ANKS1B: variants seen among roughly 807,000 people sequenced by gnomAD.
ANKS1B encodes ankyrin repeat and sterile alpha motif domain containing 1B.
A neutral mutation model predicts 148.3 loss-of-function variants in ANKS1B; 36 were observed. The observed-to-expected ratio is 0.24, with a 90% confidence interval of 0.19 to 0.32. ANKS1B has a LOEUF of 0.32. ANKS1B is among the 10% of genes least tolerant of loss of function. The probability of loss-of-function intolerance (pLI) is 1.00; values close to 1 mark genes in which losing one functional copy is unlikely to be tolerated. For missense variants in ANKS1B, 1,157 were observed against 1,542.6 expected (o/e 0.75, Z 4.19); for synonymous variants, 542 against 560.8 (o/e 0.97, Z 0.47).
intron 8 of ANKS1B, among the ~76,000 whole-genome samples, chr12:99,681,220 A>G (rs1167377806): frequency 6.6e-6 from 1 of 152,154 alleles, no homozygotes; most frequent in Non-Finnish European, 1.5e-5. Context: ...CCTCCTGGCT[A>G]GAGGCCAACC....
intron 12 of ANKS1B, among the ~76,000 whole-genome samples, chr12:99,373,323 T>G (rs963125172): frequency 6.6e-6 from 1 of 152,154 alleles, no homozygotes; most frequent in East Asian, 1.9e-4. Flanking sequence ...TTCCCAGGGT[T>G]TCAAGATAAT....
intron 8 of ANKS1B, among the ~76,000 whole-genome samples, chr12:99,698,092 A>G (rs540820373): frequency 4.0e-4 from 61 of 152,248 alleles, no homozygotes; most frequent in African/African-American, 1.4e-3. Context: ...ACCTGTTTAT[A>G]TAGTTTTGAT....
At chr12:99,487,281 T>C (rs1861103022) in intron 10 of ANKS1B, among the ~76,000 whole-genome samples, 1 of 152,224 alleles carries the variant, frequency 6.6e-6, no homozygotes, top group South Asian at 2.1e-4. Flanking sequence ...AAATTTACTA[T>C]GTATTTGTGA....
intron 1 of ANKS1B, among the ~76,000 whole-genome samples, chr12:99,836,817 T>C (rs1461610820): frequency 6.6e-6 from 1 of 152,176 alleles, no homozygotes; most frequent in Non-Finnish European, 1.5e-5. Context: ...ACAAGGCAGA[T>C]TAATCTCTCA....
chr12:99,170,552 T>C (rs2077644767), intron 14 of ANKS1B, among the ~76,000 whole-genome samples: 1 of 152,170 alleles, frequency 6.6e-6, no homozygotes, highest in African/African-American at 2.4e-5. Flanking sequence ...ATTGTTATCT[T>C]TACTGCCAGT....
At chr12:99,312,979 C>T (rs1365046042) in intron 12 of ANKS1B, among the ~76,000 whole-genome samples, 2 of 151,890 alleles carry the variant, frequency 1.3e-5, no homozygotes, top group African/African-American at 4.8e-5. Flanking sequence ...TCAATGAATC[C>T]AGGAGATGGT....
chr12:99,902,908 G>A (rs542886062), intron 1 of ANKS1B, among the ~76,000 whole-genome samples: 10 of 129,482 alleles, frequency 7.7e-5, no homozygotes, highest in African/African-American at 2.3e-4. Flanking sequence ...GCACCACCAC[G>A]CCCGGCTAAT....
Position 98,979,860 on chromosome 12 carries a change from C to T in ANKS1B, c.2778+73297G>A, listed in dbSNP as rs572052023. Among the ~76,000 whole-genome samples the T allele has an allele frequency of 4.2e-4, 64 of 152,210 alleles. 1 individual carries two copies. Among genetic ancestry groups the T allele is most frequent in the African/African-American group, 1.4e-3 (58 of 41,528 alleles). ...ATTTCTTGAGATATTATCCCCCATC[C>T]ATTTTTTAATGTGTCCTTTTTTCCC... On this transcript the variant is annotated intron_variant, in intron 17 of 26. Transcript: ENST00000683438.
intron 1 of ANKS1B, among the ~76,000 whole-genome samples, chr12:99,931,766 CTTTG>C (rs1170775189): frequency 1.3e-5 from 2 of 152,176 alleles, no homozygotes; most frequent in Admixed American, 1.3e-4. Context: ...GCATTTATTT[CTTTG>C]TGTTACAAAC....
chr12:99,718,366 C>A (rs549949352), intron 8 of ANKS1B, among the ~76,000 whole-genome samples: 6 of 152,222 alleles, frequency 3.9e-5, no homozygotes, highest in Admixed American at 3.3e-4. Context: ...GCGTCCTCCT[C>A]TTGTATCCCC....
At chr12:99,272,716 TGG>T (rs1353908744) in intron 12 of ANKS1B, among the ~76,000 whole-genome samples, 1 of 152,234 alleles carries the variant, frequency 6.6e-6, no homozygotes, top group Non-Finnish European at 1.5e-5. Flanking sequence ...ACATACATTT[TGG>T]GAGTTTGGAT....
intron 10 of ANKS1B, among the ~76,000 whole-genome samples, chr12:99,460,237 C>T (rs2095929956): frequency 6.6e-6 from 1 of 152,100 alleles, no homozygotes; most frequent in South Asian, 2.1e-4. Flanking sequence ...ACTGGATCCT[C>T]ATCTCTCCCC....
At chr12:99,916,535 G>A (rs2094176721) in intron 1 of ANKS1B, among the ~76,000 whole-genome samples, 1 of 152,308 alleles carries the variant, frequency 6.6e-6, no homozygotes, top group African/African-American at 2.4e-5. Flanking sequence ...GATATACTTA[G>A]AAGCAGCTAG....
At chr12:98,749,486 T>C (rs1457912442) in intron 26 of ANKS1B, among the ~76,000 whole-genome samples, 1 of 152,132 alleles carries the variant, frequency 6.6e-6, no homozygotes, top group Non-Finnish European at 1.5e-5. Context: ...CTACACAGAA[T>C]TAAAAGCAGA....
chr12:99,410,904 G>C (rs2094681073), intron 11 of ANKS1B, among the ~76,000 whole-genome samples: 1 of 152,164 alleles, frequency 6.6e-6, no homozygotes, highest in African/African-American at 2.4e-5. Context: ...CTTGGTCATG[G>C]AAACACTCAC....
chr12:99,044,317 G>A (rs1019553674), intron 17 of ANKS1B, among the ~76,000 whole-genome samples: 1 of 148,980 alleles, frequency 6.7e-6, no homozygotes, highest in Non-Finnish European at 1.5e-5. Context: ...AAAAAGGTAA[G>A]TGGGCAAAAT....
chr12:99,456,646 A>C (rs1393060133), intron 10 of ANKS1B, among the ~76,000 whole-genome samples: 1 of 152,218 alleles, frequency 6.6e-6, no homozygotes, highest in African/African-American at 2.4e-5. Flanking sequence ...CTCACAATAG[A>C]ATCAAACAAG....
chr12:99,523,642 C>T (rs192334219), intron 9 of ANKS1B, among the ~76,000 whole-genome samples: 55 of 151,812 alleles, frequency 3.6e-4, no homozygotes, highest in Middle Eastern at 3.4e-3. Context: ...CAAGCTCCGC[C>T]TCCTGGGTTT....
chr12:99,588,732 C>T (rs1350374198), intron 9 of ANKS1B, among the ~76,000 whole-genome samples: 1 of 150,776 alleles, frequency 6.6e-6, no homozygotes, highest in East Asian at 2.0e-4. Flanking sequence ...ATATCATACA[C>T]TAATTAAATG....
Sources: gnomAD v4.1 joint callset for allele counts (sites outside exome capture counted in the v4.1 genomes callset) on GRCh38, gnomAD v4.1.1 for gene constraint, MANE v1.5 for transcripts, NCBI Gene and HGNC (gene_info 2026-07-23, HGNC 2026-07-21) for gene names.